DGKB: variants seen among roughly 807,000 people sequenced by gnomAD.
The protein encoded by DGKB is diacylglycerol kinase beta, also known as 90 kDa diacylglycerol kinase.
Under a neutral mutation model 114.3 loss-of-function variants are expected in DGKB, and 67 were observed. The observed-to-expected ratio is 0.59, with a 90% CI of 0.48 to 0.72. The LOEUF is 0.72. Among genes scored for constraint, DGKB ranks in the 30% least tolerant of loss-of-function variants. The pLI is 0.00. For synonymous variants in DGKB, 398 were observed against 323.1 expected (o/e 1.23, Z -2.49); for missense variants, 907 against 975.2 (o/e 0.93, Z 0.93).
At chr7:14,534,380 G>A (rs1792084461) in intron 20 of DGKB, among the ~76,000 whole-genome samples, 1 of 152,070 alleles carries the variant, frequency 6.6e-6, no homozygotes, top group African/African-American at 2.4e-5. Context: ...GCCAGGAGAA[G>A]AGGAGGGGAA....
intron 23 of DGKB, among the ~76,000 whole-genome samples, chr7:14,261,763 T>A (rs1796812868): frequency 6.6e-6 from 1 of 152,220 alleles, no homozygotes; most frequent in African/African-American, 2.4e-5. Flanking sequence ...GTGATATTTT[T>A]GAATTTTATA....
intron 17 of DGKB, among the ~76,000 whole-genome samples, chr7:14,592,108 A>C (rs1801804536): frequency 6.6e-6 from 1 of 151,796 alleles, no homozygotes; most frequent in Non-Finnish European, 1.5e-5. Flanking sequence ...GGCTCTAAGT[A>C]GTATATATAT....
chr7:14,594,745 G>C (rs900718484), intron 17 of DGKB, among the ~76,000 whole-genome samples: 2 of 152,068 alleles, frequency 1.3e-5, no homozygotes, highest in African/African-American at 4.8e-5. Flanking sequence ...ATTCCATGGA[G>C]TTAGCTTAGA....
In DGKB at chr7:14,187,562, C is replaced by T. The variant is rs376465132; in HGVS notation, c.2123-9411G>A. ...AAAACTACACTGCTGCCATCACAAACGCCTGCAGCCTAGAGCACTGAGGCA... is the reference window on the plus strand; with the variant it reads ...AAAACTACACTGCTGCCATCACAAATGCCTGCAGCCTAGAGCACTGAGGCA... On this transcript the variant is annotated intron_variant, in intron 23 of 25. Transcript: ENST00000402815. Among the ~76,000 whole-genome samples the T allele has an allele frequency of 7.2e-5, 11 of 152,310 alleles. No individual in the cohort carries two copies. The East Asian group carries it at 9.6e-4, about 13-fold the overall frequency.
At chr7:14,758,912 G>GATAC (rs1303080726) in intron 2 of DGKB, among the ~76,000 whole-genome samples, 1 of 148,446 alleles carries the variant, frequency 6.7e-6, no homozygotes, top group Non-Finnish European at 1.5e-5. Context: ...TAGATAGATA[G>GATAC]ATAGATAGAT....
intron 20 of DGKB, among the ~76,000 whole-genome samples, chr7:14,520,090 C>A (rs1242271348): frequency 6.6e-6 from 1 of 151,296 alleles, no homozygotes; most frequent in Non-Finnish European, 1.5e-5. Context: ...ATGGGTCTTT[C>A]AATATAATGT....
chr7:14,281,427 C>A (rs556374062), intron 23 of DGKB, among the ~76,000 whole-genome samples: 1 of 138,176 alleles, frequency 7.2e-6, no homozygotes, highest in Non-Finnish European at 1.5e-5. Flanking sequence ...CTTTAACACC[C>A]CACTGTCAAC....
chr7:14,429,851 C>T (rs1207289414), intron 21 of DGKB, among the ~76,000 whole-genome samples: 2 of 151,980 alleles, frequency 1.3e-5, no homozygotes, highest in Non-Finnish European at 2.9e-5. Context: ...AACCAGGACC[C>T]GGAAGGCGGA....
At chr7:14,586,055 A>T (rs749028606) in intron 17 of DGKB, among the ~76,000 whole-genome samples, 19 of 152,134 alleles carry the variant, frequency 1.2e-4, no homozygotes, top group Admixed American at 4.6e-4. Flanking sequence ...TGAAAGGAAG[A>T]GTTGCATTTC....
chr7:14,413,535 G>T (rs146212568), intron 21 of DGKB, among the ~76,000 whole-genome samples: 1 of 152,158 alleles, frequency 6.6e-6, no homozygotes, highest in African/African-American at 2.4e-5. Context: ...GGTCAATAAA[G>T]CTAAAGGTGA....
At chr7:14,292,298 C>T (rs17168054) in intron 23 of DGKB, among the ~76,000 whole-genome samples, 10,128 of 152,104 alleles carry the variant, frequency 0.067, 1,102 homozygotes, top group African/African-American at 0.23. Context: ...TCTTCTCTTG[C>T]AAAATGGCGC....
chr7:14,327,207 CT>C (rs1484544879), intron 23 of DGKB, among the ~76,000 whole-genome samples: 1 of 152,008 alleles, frequency 6.6e-6, no homozygotes, highest in South Asian at 2.1e-4. Flanking sequence ...GTTATAGTTC[CT>C]TTTTGATTGC....
intron 2 of DGKB, among the ~76,000 whole-genome samples, chr7:14,803,945 A>T (rs1379542482): frequency 1.3e-5 from 2 of 152,090 alleles, no homozygotes; most frequent in Non-Finnish European, 2.9e-5. Flanking sequence ...GTTTCTGTGG[A>T]ATCATTATCC....
intron 2 of DGKB, among the ~76,000 whole-genome samples, chr7:14,831,070 T>C (rs1342298425): frequency 6.6e-6 from 1 of 152,036 alleles, no homozygotes; most frequent in Non-Finnish European, 1.5e-5. Context: ...TCTTCCTGGA[T>C]AAATATAGAA....
chr7:14,434,644 C>G (rs898347748), intron 21 of DGKB, among the ~76,000 whole-genome samples: 1 of 152,066 alleles, frequency 6.6e-6, no homozygotes, highest in African/African-American at 2.4e-5. Flanking sequence ...ACCTATAGAA[C>G]CATAAGATAA....
chr7:14,825,757 C>T (rs115262231), intron 2 of DGKB, among the ~76,000 whole-genome samples: 12 of 152,218 alleles, frequency 7.9e-5, no homozygotes, highest in East Asian at 3.9e-4. Flanking sequence ...TCCATAAATA[C>T]GTTAGAAAAA....
At chr7:14,425,647 T>C (rs1827402379) in intron 21 of DGKB, among the ~76,000 whole-genome samples, 1 of 152,152 alleles carries the variant, frequency 6.6e-6, no homozygotes, top group African/African-American at 2.4e-5. Context: ...ACAAGAGCAA[T>C]GTCTCCTGCT....
intron 25 of DGKB, among the ~76,000 whole-genome samples, chr7:14,167,347 TG>T (rs1784759007): frequency 6.6e-6 from 1 of 151,872 alleles, no homozygotes; most frequent in African/African-American, 2.4e-5. Flanking sequence ...TCCCAAAGCA[TG>T]GGGGGAGTCC....
At position 14,902,597 on chromosome 7, in the gene DGKB, T is replaced by C. The variant is rs987831736; in HGVS notation, c.-193A>G. On this transcript the variant is annotated 5_prime_UTR_variant, in exon 1 of 26. Transcript: ENST00000402815. ...CCATGTCCAGTTTAACTTACTGCAG[T>C]GTGATGCAGGCGAAAGCTGAGCGCA... is the stretch of plus-strand genomic sequence containing the variant. 2 of 152,250 alleles carry C rather than the reference T, an allele frequency of 1.3e-5. No homozygotes were observed. Among genetic ancestry groups the C allele is most frequent in the Non-Finnish European group, 2.9e-5 (2 of 68,088 alleles). 9.4% of individuals were successfully genotyped at this position (152,250 alleles called of 1,614,324 possible). A position where few individuals can be genotyped will look rare whatever the true frequency, so the allele number is the denominator to read the frequency against.
Sources: gnomAD v4.1 joint callset for allele counts (sites outside exome capture counted in the v4.1 genomes callset) on GRCh38, gnomAD v4.1.1 for gene constraint, MANE v1.5 for transcripts, NCBI Gene and HGNC (gene_info 2026-07-23, HGNC 2026-07-21) for gene names.